MYO15A: variants seen among roughly 807,000 people sequenced by gnomAD.
MYO15A encodes myosin XVA, also known as unconventional myosin-XV.
In MYO15A, 308 loss-of-function variants were observed where a neutral mutation model predicts 394.6. The observed-to-expected ratio is 0.78, with a 90% CI of 0.71 to 0.86. The LOEUF (loss-of-function observed/expected upper bound fraction) is 0.86. Among genes scored for constraint, MYO15A ranks in the 40% least tolerant of loss-of-function variants. The pLI, the probability that MYO15A is intolerant of heterozygous loss-of-function variation, is 0.00. For synonymous variants in MYO15A, 1,957 were observed against 2,003.8 expected (o/e 0.98, Z 0.62); for missense variants, 4,606 against 4,799.1 (o/e 0.96, Z 1.19).
At chr17:18,139,765 T>C (rs2046346093) in intron 19 of MYO15A, among the ~76,000 whole-genome samples, 154 bp downstream of exon 19, 2 of 152,212 alleles carry the variant, frequency 1.3e-5, no homozygotes. Flanking sequence ...ACCCTGTTCC[T>C]GGCCTGTTCC....
Position 18,149,261 on chromosome 17 carries a change from A to AC in MYO15A, c.7006dup (p.Gln2336ProfsTer11), listed in dbSNP as rs397517286. ...ACTCGGATGAGGACATGTCCACTAG[A>AC]CCCCAGCCCCAGGAGCACATGCCCA... On this transcript the variant is annotated frameshift_variant, in exon 34 of 66. Transcript: ENST00000647165. LOFTEE classifies it high-confidence loss of function. 2 of 1,613,690 alleles carry AC rather than the reference A, an allele frequency of 1.2e-6. No homozygotes were observed. Among genetic ancestry groups the AC allele is most frequent in the Non-Finnish European group, 1.7e-6 (2 of 1,179,946 alleles).
chr17:18,142,869 G>T, intron 25 of MYO15A, 29 bp downstream of exon 25: 1 of 1,586,984 alleles, frequency 6.3e-7, no homozygotes, highest in Non-Finnish European at 8.6e-7. Context: ...CTGGGTCCAA[G>T]GGGACAGCAG....
At chr17:18,178,607 C>T (rs759015509) in intron 65 of MYO15A, 162 bp from the exon 66 acceptor site, 5 of 746,434 alleles carry the variant, frequency 6.7e-6, no homozygotes, top group Non-Finnish European at 1.2e-5. Context: ...CCTTCCAGCT[C>T]TTCATGCTCC....
chr17:18,163,706 A>G (rs758251792), intron 59 of MYO15A, 36 bp from the exon 60 acceptor site: 4 of 1,577,092 alleles, frequency 2.5e-6, no homozygotes, highest in South Asian at 2.3e-5. Flanking sequence ...GTCAAGCCCA[A>G]CTGGCATGGC....
intron 1 of MYO15A, among the ~76,000 whole-genome samples, chr17:18,112,996 C>A (rs140281704): frequency 6.6e-6 from 1 of 152,146 alleles, no homozygotes; most frequent in East Asian, 1.9e-4. Flanking sequence ...TACAGGCACA[C>A]GCTGCTACAC....
chr17:18,172,233 C>A lies in MYO15A; in HGVS notation c.10293C>A (p.Ala3431=). Residue 3431 remains alanine (A), a synonymous_variant, in exon 64 of 66, where the codon GCC becomes GCA. Coordinates refer to ENST00000647165, the MANE Select transcript of MYO15A (RefSeq NM_016239.4). The stretch of plus-strand genomic sequence containing the variant: ...GCTGCAGCAACATTGCTGTGCCAGC[C>A]CCTTGCATCCTTGCCATCAACCACA... The part of the protein sequence containing the change: ...IQSCSNIAVP[A]PCILAINHNG... 1 of 1,614,204 alleles carries A rather than the reference C, an allele frequency of 6.2e-7. No homozygotes were observed.
intron 51 of MYO15A, 31 bp downstream of exon 51, chr17:18,157,931 G>GGGGGGGGGGGGGC: frequency 3.2e-5 from 13 of 412,680 alleles, no homozygotes; most frequent in Non-Finnish European, 4.9e-5. Flanking sequence ...GTGGGGCGGG[G>GGGGGGGGGGGGGC]TAGACCAGGG....
At chr17:18,146,437 G>A (rs985298964) in intron 30 of MYO15A, among the ~76,000 whole-genome samples, 3 of 152,166 alleles carry the variant, frequency 2.0e-5, no homozygotes, top group African/African-American at 7.2e-5. Context: ...GCATGGATAC[G>A]GGACTCAGAC....
intron 57 of MYO15A, among the ~76,000 whole-genome samples, chr17:18,162,074 C>T (rs2046784776): frequency 6.6e-6 from 1 of 152,162 alleles, no homozygotes; most frequent in East Asian, 1.9e-4. Context: ...GATGAATAGA[C>T]CCAGCTCCCT....
intron 4 of MYO15A, chr17:18,125,536 T>TA: frequency 5.7e-5 from 14 of 246,970 alleles, no homozygotes; most frequent in South Asian, 1.2e-4. Context: ...CTACTAAAAA[T>TA]ACAAAAAAAA....
rs1006860259 is a variant in MYO15A, at chr17:18,119,609, C to G, written c.809C>G (p.Ala270Gly). 8 of 1,603,560 alleles carry G rather than the reference C, an allele frequency of 5.0e-6. No homozygotes were observed. Among genetic ancestry groups the G allele is most frequent in the African/African-American group, 2.7e-5 (2 of 74,892 alleles). The change falls in exon 2 of 66, where the codon GCC becomes GGC. Residue 270 changes from alanine (A) to glycine (G), a missense_variant. Ala to Gly is a moderately conservative substitution (Grantham distance 60). Transcript: ENST00000647165. The stretch of plus-strand genomic sequence containing the variant: ...GCGGGCCTCGGCCCCTACAGCCCGG[C>G]CTGGCCACCCTACGGCGACCACTAC... ...YLAGLGPYSP[A>G]WPPYGDHYYG...
At position 18,121,429 on chromosome 17, in the gene MYO15A, G is replaced by A. The variant is rs771720649; in HGVS notation, c.2629G>A (p.Glu877Lys). Residue 877 changes from glutamate (E) to lysine (K), a missense_variant, in exon 2 of 66, where the codon GAG becomes AAG. Physicochemically the swap from Glu to Lys is moderately conservative, Grantham distance 56. Coordinates refer to ENST00000647165, the MANE Select transcript of MYO15A (RefSeq NM_016239.4). This position sits in a 1 kb window ranked among gnomAD's most constrained non-coding sequence, Gnocchi z 5.3. Reference protein sequence around the residue: ...RLPHTWRRLSEPPTRAVKPQV... With the variant: ...RLPHTWRRLSKPPTRAVKPQV... Reference sequence around the variant, plus strand: ...CCCGCACACGTGGCGGCGCCTCAGCGAGCCACCCACTCGGGCTGTGAAGCC... The same window carrying A: ...CCCGCACACGTGGCGGCGCCTCAGCAAGCCACCCACTCGGGCTGTGAAGCC... 5 of 1,545,170 alleles carry A rather than the reference G, an allele frequency of 3.2e-6. No individual in the cohort carries two copies. Among genetic ancestry groups the A allele is most frequent in the South Asian group, 2.4e-5 (2 of 83,954 alleles).
In MYO15A at chr17:18,125,311, T is replaced by C. The variant is rs898153783; in HGVS notation, c.3756+80T>C. ...CTGGGGCCGGGTGGGACGCACAGAT[T>C]TCTCTTGTGGGCCCTAGCCCCTGTG... On this transcript the variant is annotated intron_variant, in intron 4 of 65. Coordinates refer to ENST00000647165, the MANE Select transcript of MYO15A (RefSeq NM_016239.4). 3 of 1,380,950 alleles carry C rather than the reference T, an allele frequency of 2.2e-6. No homozygotes were observed. The African/African-American group carries it at 4.3e-5, about 20-fold the overall frequency. 85.5% of individuals were successfully genotyped at this position (1,380,950 alleles called of 1,614,324 possible).
Position 18,130,105 on chromosome 17 carries a change from T to C in MYO15A, c.4033-700T>C, listed in dbSNP as rs1220933401. On this transcript the variant is annotated intron_variant, in intron 7 of 65. Transcript: ENST00000647165. ...CATGTTGGTCAGGATAGTCTGGATC[T>C]CCGGGCCTCGTGATCTGCCCACCTC... Among the ~76,000 whole-genome samples, 3 of 152,178 alleles carry C rather than the reference T, an allele frequency of 2.0e-5. No homozygotes were observed. In the East Asian group the frequency reaches 5.8e-4, roughly 29 times the overall value.
Position 18,178,804 on chromosome 17 carries a change from G to A in MYO15A, c.10527G>A (p.Val3509=). The A allele has an allele frequency of 6.2e-7, 1 of 1,614,000 alleles. No individual in the cohort carries two copies. The highest frequency in any genetic ancestry group is 8.5e-7 in the Non-Finnish European group (1 of 1,180,018). The change falls in exon 66 of 66, where the codon GTG becomes GTA. Residue 3509 remains valine, a synonymous_variant. Transcript: ENST00000647165. ...LELCRVVAVH[V]ENLLSAHEKR... ...TGTGTCGTGTGGTGGCCGTGCACGT[G>A]GAGAACCTGCTCAGTGCCCATGAGA...
chr17:18,111,208 C>T (rs1242276179), intron 1 of MYO15A, among the ~76,000 whole-genome samples: 1 of 152,110 alleles, frequency 6.6e-6, no homozygotes, highest in East Asian at 1.9e-4. Context: ...GGTAGCCCAC[C>T]TCTGTAGTCT....
At position 18,117,405 on chromosome 17, in the gene MYO15A, T is replaced by A. The variant is rs190259846; in HGVS notation, c.-219-1177T>A. Among the ~76,000 whole-genome samples the A allele has an allele frequency of 6.6e-6, 1 of 152,232 alleles. No homozygotes were observed. The highest frequency in any genetic ancestry group is 2.4e-5 in the African/African-American group (1 of 41,468). ...CACGTTGAGGCTCTGAAGCCACTGATCTGAGGGCGTGGAGCTGGCAAGTGG... is the reference window on the plus strand; with the variant it reads ...CACGTTGAGGCTCTGAAGCCACTGAACTGAGGGCGTGGAGCTGGCAAGTGG... On this transcript the variant is annotated intron_variant, in intron 1 of 65. Transcript: ENST00000647165. The surrounding 1 kb of genome is among the most constrained non-coding windows in gnomAD (Gnocchi z 4.1).
chr17:18,139,078 C>A, intron 18 of MYO15A, 142 bp downstream of exon 18: 1 of 1,278,476 alleles, frequency 7.8e-7, no homozygotes, highest in Non-Finnish European at 1.1e-6. Context: ...TGACCTTGAG[C>A]AAATTGCTTA....
intron 65 of MYO15A, 149 bp downstream of exon 65, chr17:18,174,070 T>C: frequency 8.5e-7 from 1 of 1,181,596 alleles, no homozygotes; most frequent in South Asian, 1.6e-5. Context: ...GAACTGCAGA[T>C]CATTATGGGT....
Sources: allele counts gnomAD v4.1 joint callset (sites outside exome capture counted in the v4.1 genomes callset), GRCh38; gene constraint gnomAD v4.1.1; non-coding constraint Gnocchi (gnomAD v3.1); transcripts MANE v1.5; gene names NCBI Gene and HGNC (gene_info 2026-07-23, HGNC 2026-07-21).